CNTN3: variants seen among roughly 807,000 people sequenced by gnomAD.
CNTN3 encodes contactin-3.
Under a neutral mutation model 119.1 loss-of-function variants are expected in CNTN3, and 60 were observed. The observed-to-expected ratio is 0.50, with a 90% CI of 0.41 to 0.62. The LOEUF (loss-of-function observed/expected upper bound fraction) is 0.62, where lower values mean the gene tolerates loss of function less well. Ranked by LOEUF, CNTN3 falls within the 20% of genes least tolerant of loss-of-function variation. The pLI, the probability that CNTN3 is intolerant of heterozygous loss-of-function variation, is 0.00. For synonymous variants in CNTN3, 450 were observed against 438.7 expected, an observed-to-expected ratio of 1.03 and a Z score of -0.32; for missense variants, 1,101 against 1,242.4, an observed-to-expected ratio of 0.89 and a Z score of 1.71.
chr3:74,362,095 C>A, intron 10 of CNTN3, 55 bp from the exon 11 acceptor site: 1 of 1,585,794 alleles, frequency 6.3e-7, no homozygotes, highest in Non-Finnish European at 8.6e-7. Context: ...AACTTCTTGT[C>A]AATTTCAAAG....
chr3:74,580,187 T>C (rs1391362585), intron 1 of CNTN3, among the ~76,000 whole-genome samples: 1 of 152,214 alleles, frequency 6.6e-6, no homozygotes, highest in Non-Finnish European at 1.5e-5. Flanking sequence ...ATTATCACAG[T>C]TGATGCTAGG....
intron 5 of CNTN3, among the ~76,000 whole-genome samples, chr3:74,390,098 G>A (rs376673035): frequency 4.1e-4 from 62 of 152,242 alleles, no homozygotes; most frequent in African/African-American, 1.4e-3. Flanking sequence ...GGAATTATAT[G>A]CAATGACCTT....
intron 20 of CNTN3, among the ~76,000 whole-genome samples, chr3:74,282,159 A>T (rs1011311612): frequency 1.3e-5 from 2 of 152,200 alleles, no homozygotes; most frequent in African/African-American, 4.8e-5. Flanking sequence ...GAGGCTAATT[A>T]GTGTTTAACT....
In CNTN3 at chr3:74,334,908, G is replaced by A. The variant is rs1279239429; in HGVS notation, c.1495C>T (p.Pro499Ser). The change falls in exon 13 of 23, where the codon CCA (proline) becomes TCA (serine). Residue 499 changes from proline to serine, a missense_variant and splice_region_variant. Coordinates refer to ENST00000263665, the MANE Select transcript of CNTN3 (RefSeq NM_020872.3). ...GATGGTGCCAAAGTTATTCTTGTTG[G>A]TTCTATTGGGGAAATAATTTTTCAG... is the stretch of plus-strand genomic sequence containing the variant. ...NGTTHLVVTE[P>S]TRITLAPSNM... 2 of 1,604,346 alleles carry A rather than the reference G, an allele frequency of 1.2e-6. No individual in the cohort carries two copies. Among genetic ancestry groups the A allele is most frequent in the East Asian group, 2.2e-5 (1 of 44,790 alleles).
intron 4 of CNTN3, among the ~76,000 whole-genome samples, chr3:74,480,478 C>A (rs1184595942): frequency 6.6e-6 from 1 of 151,554 alleles, no homozygotes; most frequent in Admixed American, 6.6e-5. Flanking sequence ...AGTTAACAGT[C>A]AACAGTAATA....
At chr3:74,371,175 C>T (rs200144821) in intron 6 of CNTN3, 21 bp downstream of exon 6, 34 of 1,584,676 alleles carry the variant, frequency 2.1e-5, no homozygotes, top group Non-Finnish European at 2.7e-5. Context: ...CTCAGAAGTG[C>T]ACTTGGAGAA....
chr3:74,295,077 G>A (rs1413839167), intron 19 of CNTN3, 44 bp downstream of exon 19: 2 of 1,296,360 alleles, frequency 1.5e-6, no homozygotes, highest in South Asian at 1.3e-5. Flanking sequence ...GAGACAAAGT[G>A]GCACGGTAAC....
At chr3:74,460,834 C>CTT (rs534972163) in intron 4 of CNTN3, among the ~76,000 whole-genome samples, 1 of 72,772 alleles carries the variant, frequency 1.4e-5, no homozygotes, top group South Asian at 5.3e-4. Context: ...TCATTTCTTT[C>CTT]TTTTTTTTTT....
At chr3:74,486,276 AC>A (rs1232641405) in intron 4 of CNTN3, among the ~76,000 whole-genome samples, 179 bp downstream of exon 4, 1 of 151,930 alleles carries the variant, frequency 6.6e-6, no homozygotes, top group Admixed American at 6.6e-5. Context: ...ACACACACAC[AC>A]ATTTAAAGCT....
chr3:74,333,478 C>A (rs372013017), intron 13 of CNTN3, among the ~76,000 whole-genome samples: 1 of 152,160 alleles, frequency 6.6e-6, no homozygotes, highest in Non-Finnish European at 1.5e-5. Context: ...TGTTCTGGGC[C>A]TTCATCCTAA....
intron 1 of CNTN3, among the ~76,000 whole-genome samples, chr3:74,603,327 G>A (rs1363690058): frequency 4.6e-5 from 7 of 152,098 alleles, no homozygotes; most frequent in African/African-American, 1.4e-4. Context: ...CAGTCAGGTG[G>A]TGGATACATA....
chr3:74,529,287 G>A (rs984863927), intron 1 of CNTN3, among the ~76,000 whole-genome samples: 3 of 151,818 alleles, frequency 2.0e-5, no homozygotes, highest in Non-Finnish European at 4.4e-5. Context: ...TATCTTCCAC[G>A]TTAAAATATT....
rs550655406 is a variant in CNTN3 at position 74,418,631 on chromosome 3, G to A, written c.454+6214C>T. Among the ~76,000 whole-genome samples the A allele has an allele frequency of 3.1e-4, 47 of 151,792 alleles. 1 individual carries two copies. In the South Asian group the frequency reaches 6.3e-3, roughly 20 times the overall value. On this transcript the variant is annotated intron_variant, in intron 5 of 22. Coordinates refer to ENST00000263665, the MANE Select transcript of CNTN3 (RefSeq NM_020872.3). ...GTTAGGATTACAGGCATGAGCCACC[G>A]TGCCCAGCTAGAAAGCATATTCTTT...
At position 74,316,627 on chromosome 3, in the gene CNTN3, C is replaced by T. The variant is rs148865334; in HGVS notation, c.1669-13820G>A. Among the ~76,000 whole-genome samples, 700 of 152,188 alleles carry T rather than the reference C, an allele frequency of 4.6e-3. 5 individuals are homozygous for T. The highest frequency in any genetic ancestry group is 0.016 in the African/African-American group (660 of 41,526). On this transcript the variant is annotated intron_variant, in intron 13 of 22. Coordinates refer to ENST00000263665, the MANE Select transcript of CNTN3 (RefSeq NM_020872.3). The stretch of plus-strand genomic sequence containing the variant: ...GAGACTGGGTAAAGAAAATGTGGTA[C>T]ATATATACCATGAAATACTCTGCAA...
In CNTN3 at chr3:74,263,189, T is replaced by C. The variant is rs533543816; in HGVS notation, c.*1212A>G. ...CTATATATTGCTATGAAGTCACGTC[T>C]TCAACAATTTTTTGAAAACCACATA... On this transcript the variant is annotated 3_prime_UTR_variant, in exon 23 of 23. Transcript: ENST00000263665. 1 of 152,294 alleles carries C rather than the reference T, an allele frequency of 6.6e-6. No individual in the cohort carries two copies. Among genetic ancestry groups the C allele is most frequent in the Non-Finnish European group, 1.5e-5 (1 of 68,006 alleles). 9.4% of individuals were successfully genotyped at this position (152,294 alleles called of 1,614,324 possible).
chr3:74,300,330 T>C (rs907227280), intron 16 of CNTN3, among the ~76,000 whole-genome samples: 2 of 152,200 alleles, frequency 1.3e-5, no homozygotes, highest in African/African-American at 4.8e-5. Flanking sequence ...ACATTGGCTA[T>C]ATGTAAGGAT....
At chr3:74,301,575 G>A (rs1416605073) in intron 15 of CNTN3, 28 bp from the exon 16 acceptor site, 1 of 1,612,858 alleles carries the variant, frequency 6.2e-7, no homozygotes, top group Non-Finnish European at 8.5e-7. Context: ...AGAGGTAAGA[G>A]TCTGCCTGCT....
intron 1 of CNTN3, among the ~76,000 whole-genome samples, chr3:74,567,292 C>T (rs894737913): frequency 2.7e-5 from 4 of 150,164 alleles, no homozygotes; most frequent in South Asian, 2.1e-4. Flanking sequence ...AGGTGCATGC[C>T]GCTATACTCA....
At chr3:74,365,801 A>C in intron 8 of CNTN3, 99 bp from the exon 9 acceptor site, 3 of 1,325,732 alleles carry the variant, frequency 2.3e-6, no homozygotes, top group Non-Finnish European at 3.1e-6. Context: ...ATAGAAATGG[A>C]CATGATAATG....
Sources: gnomAD v4.1 joint callset for allele counts (sites outside exome capture counted in the v4.1 genomes callset) on GRCh38, gnomAD v4.1.1 for gene constraint, MANE v1.5 for transcripts, NCBI Gene and HGNC (gene_info 2026-07-23, HGNC 2026-07-21) for gene names.